Variants in DGKB observed in about 807,000 individuals in gnomAD.
DGKB encodes the protein 90 kDa diacylglycerol kinase.
A neutral mutation model predicts 114.3 loss-of-function variants in DGKB; 67 were observed. That is an observed-to-expected ratio of 0.59 (90% CI 0.48 to 0.72). The LOEUF (loss-of-function observed/expected upper bound fraction) is 0.72. DGKB is among the 30% of genes least tolerant of loss of function. The pLI is 0.00. For missense variants in DGKB, 907 were observed against 975.2 expected, an observed-to-expected ratio of 0.93 and a Z score of 0.93; for synonymous variants, 398 against 323.1, an observed-to-expected ratio of 1.23 and a Z score of -2.49.
chr7:14,228,884 C>CTGTGTGTGTGTGTGTGTGTGTGTGTGTG (rs71548072), intron 23 of DGKB, among the ~76,000 whole-genome samples: 62 of 148,632 alleles, frequency 4.2e-4, no homozygotes, highest in Admixed American at 1.4e-3. Context: ...AGTTTTTTTT[C>CTGTGTGTGTGTGTGTGTGTGTGTGTGTG]TGTGTGTGTG....
At chr7:14,785,764 A>G (rs2128496048) in intron 2 of DGKB, among the ~76,000 whole-genome samples, 1 of 152,314 alleles carries the variant, frequency 6.6e-6, no homozygotes, top group Non-Finnish European at 1.5e-5. Flanking sequence ...AAAAGCCATG[A>G]GAGCCATTAT....
At chr7:14,840,774 T>TCTTG (rs1491549430) in intron 2 of DGKB, among the ~76,000 whole-genome samples, 1 of 151,284 alleles carries the variant, frequency 6.6e-6, no homozygotes, top group Non-Finnish European at 1.5e-5. Context: ...TCTTGATATC[T>TCTTG]ATGAGTCAGA....
At chr7:14,628,050 A>C (rs775567830) in intron 14 of DGKB, among the ~76,000 whole-genome samples, 1 of 152,158 alleles carries the variant, frequency 6.6e-6, no homozygotes, top group African/African-American at 2.4e-5. Flanking sequence ...CATCCACAGT[A>C]AACTGAAAGT....
intron 23 of DGKB, among the ~76,000 whole-genome samples, chr7:14,261,185 G>C (rs1281356453): frequency 6.6e-6 from 1 of 151,402 alleles, no homozygotes; most frequent in Non-Finnish European, 1.5e-5. Context: ...AACATGTTGG[G>C]TTGCCCACTA....
At chr7:14,300,012 A>T (rs1480634977) in intron 23 of DGKB, among the ~76,000 whole-genome samples, 2 of 152,116 alleles carry the variant, frequency 1.3e-5, no homozygotes, top group African/African-American at 4.8e-5. Flanking sequence ...TGGCCACTAT[A>T]TTTGTATAGC....
At chr7:14,669,706 T>A (rs181608507) in intron 13 of DGKB, among the ~76,000 whole-genome samples, 5 of 152,278 alleles carry the variant, frequency 3.3e-5, no homozygotes, top group South Asian at 4.1e-4. Flanking sequence ...TGGACTGAGC[T>A]CCTACAGGAG....
chr7:14,870,108 T>C (rs184348103), intron 1 of DGKB, among the ~76,000 whole-genome samples: 2 of 152,278 alleles, frequency 1.3e-5, no homozygotes, highest in East Asian at 3.9e-4. Context: ...ATGGATTCCA[T>C]TGCCACCTGT....
rs548046769 is a variant in DGKB, at chr7:14,752,439, G to C, written c.168+1489C>G. Among the ~76,000 whole-genome samples, 5 of 152,246 alleles carry C rather than the reference G, an allele frequency of 3.3e-5. No individual in the cohort carries two copies. In the South Asian group the frequency reaches 1.0e-3, roughly 32 times the overall value. On this transcript the variant is annotated intron_variant, in intron 4 of 25. Coordinates refer to ENST00000402815, the MANE Select transcript of DGKB (RefSeq NM_001350709.2). ...ATAAAGCAAGCCCCTGTGGAGTTAT[G>C]AAAGCGTAACTCAGCCTCAGGCCAA... is the stretch of plus-strand genomic sequence containing the variant.
intron 23 of DGKB, among the ~76,000 whole-genome samples, chr7:14,326,155 C>T (rs575417510): frequency 4.0e-5 from 6 of 150,920 alleles, no homozygotes; most frequent in African/African-American, 1.5e-4. Context: ...GTGTAAGAAA[C>T]TCAGTAGCCT....
intron 23 of DGKB, among the ~76,000 whole-genome samples, chr7:14,236,003 A>G (rs558534049): frequency 6.1e-4 from 93 of 152,160 alleles, no homozygotes; most frequent in African/African-American, 1.5e-3. Context: ...AATTTATGCT[A>G]CTAATAATTC....
At chr7:14,271,664 G>T (rs1798283662) in intron 23 of DGKB, among the ~76,000 whole-genome samples, 1 of 152,140 alleles carries the variant, frequency 6.6e-6, no homozygotes, top group South Asian at 2.1e-4. Context: ...CAAAGCACAT[G>T]AACTGAGTGC....
intron 25 of DGKB, among the ~76,000 whole-genome samples, chr7:14,156,537 ATAT>A (rs1783054513): frequency 6.6e-6 from 1 of 152,162 alleles, no homozygotes. Flanking sequence ...ACATTAGGAA[ATAT>A]TATTCCTCTC....
chr7:14,262,698 G>C (rs1054316627), intron 23 of DGKB, among the ~76,000 whole-genome samples: 36 of 152,178 alleles, frequency 2.4e-4, no homozygotes, highest in African/African-American at 7.9e-4. Flanking sequence ...TATTGCAAAG[G>C]CCAGTCCAAG....
intron 23 of DGKB, among the ~76,000 whole-genome samples, chr7:14,308,324 T>G (rs1488618486): frequency 6.6e-6 from 1 of 152,092 alleles, no homozygotes; most frequent in Non-Finnish European, 1.5e-5. Context: ...TGAAGATATT[T>G]GTATATAATT....
chr7:14,279,996 C>T (rs1799679796), intron 23 of DGKB, among the ~76,000 whole-genome samples: 1 of 152,106 alleles, frequency 6.6e-6, no homozygotes, highest in African/African-American at 2.4e-5. Context: ...AGTAACGGAA[C>T]AAAGCTGGAC....
intron 23 of DGKB, among the ~76,000 whole-genome samples, chr7:14,323,987 G>GA (rs1178400873): frequency 1.3e-5 from 2 of 152,084 alleles, no homozygotes; most frequent in Non-Finnish European, 2.9e-5. Context: ...AAAGTCTAGA[G>GA]AAAATGTTTT....
intron 23 of DGKB, among the ~76,000 whole-genome samples, chr7:14,328,311 A>G (rs1809114335): frequency 6.6e-6 from 1 of 152,084 alleles, no homozygotes; most frequent in Non-Finnish European, 1.5e-5. Context: ...GTTATTCAAT[A>G]TTTTTGAAAA....
chr7:14,583,605 G>A (rs557974585), intron 17 of DGKB, among the ~76,000 whole-genome samples: 36 of 152,102 alleles, frequency 2.4e-4, no homozygotes, highest in Non-Finnish European at 4.6e-4. Flanking sequence ...CCATTACTGG[G>A]AGAAATTGAT....
At chr7:14,939,551 T>C (rs56189597) in intron 1 of DGKB, among the ~76,000 whole-genome samples, 32,806 of 151,494 alleles carry the variant, frequency 0.22, 5,623 homozygotes, top group East Asian at 0.8. Flanking sequence ...CTGCCATTTT[T>C]AGAAGTTTAA....
Sources: allele counts gnomAD v4.1 joint callset (sites outside exome capture counted in the v4.1 genomes callset), GRCh38; gene constraint gnomAD v4.1.1; transcripts MANE v1.5; gene names NCBI Gene and HGNC (gene_info 2026-07-23, HGNC 2026-07-21).